The following CSTF3 variants were observed in gnomAD, a reference collection of about 807,000 sequenced individuals.
CSTF3 encodes cleavage stimulation factor subunit 3, also known as CF-1 77 kDa subunit.
Under a neutral mutation model 105.8 loss-of-function variants are expected in CSTF3, and 29 were observed. The observed-to-expected ratio is 0.27, with a 90% CI of 0.20 to 0.37. The LOEUF (loss-of-function observed/expected upper bound fraction) is 0.37, where lower values mean the gene tolerates loss of function less well. CSTF3 is among the 10% of genes least tolerant of loss of function. The pLI is 1.00. For missense variants in CSTF3, 357 were observed against 879.3 expected (o/e 0.41, Z 7.51); for synonymous variants, 252 against 281.9 (o/e 0.89, Z 1.06).
In CSTF3 at chr11:33,139,442, C is replaced by T. The variant is rs188726151; in HGVS notation, c.225+2225G>A. Among the ~76,000 whole-genome samples the T allele has an allele frequency of 4.4e-3, 662 of 151,876 alleles. 1 individual carries two copies. Among genetic ancestry groups the T allele is most frequent in the Non-Finnish European group, 6.4e-3 (431 of 67,814 alleles). On this transcript the variant is annotated intron_variant, in intron 3 of 20. Transcript: ENST00000323959. Reference sequence around the variant, plus strand: ...TGTAAAAACATTCTTATTATCACTTCGGATTTTTAAAAAGTATTATAAATA... The same window carrying T: ...TGTAAAAACATTCTTATTATCACTTTGGATTTTTAAAAAGTATTATAAATA...
intron 3 of CSTF3, among the ~76,000 whole-genome samples, chr11:33,122,289 G>A (rs1565010926): frequency 6.6e-6 from 1 of 152,132 alleles, no homozygotes; most frequent in African/African-American, 2.4e-5. Context: ...GGATCTGATT[G>A]TTGAAAGATG....
In CSTF3 at chr11:33,098,762, A is replaced by T. The variant is rs761937370; in HGVS notation, c.1056T>A (p.Ser352Arg). 2.0e-6 allele frequency: 3 copies of T among 1,526,234 alleles called. No individual in the cohort carries two copies. 94.5% of individuals were successfully genotyped at this position (1,526,234 alleles called of 1,614,324 possible). The change falls in exon 13 of 21, where the codon AGT (serine) becomes AGA (arginine). Residue 352 changes from serine to arginine, a missense_variant and splice_region_variant. By Grantham distance (110) the Ser-to-Arg change is moderately radical. Coordinates refer to ENST00000323959, the MANE Select transcript of CSTF3 (RefSeq NM_001326.3). ...LYFAYADYEE[S>R]RMKYEKVHSI... ...TGTGAACCTTTTCATACTTCATGCG[A>T]CTCTAAGGTGGTACAGAAGAAGTGA... is the stretch of plus-strand genomic sequence containing the variant.
rs1056947859 is a variant in CSTF3 at position 33,115,426 on chromosome 11, T to G, written c.226-7008A>C. On this transcript the variant is annotated intron_variant, in intron 3 of 20. Transcript: ENST00000323959. ...AATTTGGAAATATTGAAGAATGACA[T>G]TTTAAGATCTACAAACAGGCTTTTA... 1.3e-4 allele frequency among the ~76,000 whole-genome samples: 20 copies of G among 152,298 alleles called. No individual in the cohort carries two copies. The South Asian group carries it at 1.4e-3, about 11-fold the overall frequency.
chr11:33,105,448 A>T (rs1326931278), intron 8 of CSTF3, 119 bp downstream of exon 8: 3 of 987,834 alleles, frequency 3.0e-6, no homozygotes, highest in Non-Finnish European at 2.9e-6. Context: ...TAGTGCTTTC[A>T]TTACAATCAA....
chr11:33,119,163 A>T (rs965341431), intron 3 of CSTF3, among the ~76,000 whole-genome samples: 1 of 151,788 alleles, frequency 6.6e-6, no homozygotes, highest in Non-Finnish European at 1.5e-5. Flanking sequence ...ACAAATTGAA[A>T]ACTGCTGTTT....
chr11:33,114,473 T>C (rs1855411029), intron 3 of CSTF3, among the ~76,000 whole-genome samples: 1 of 152,004 alleles, frequency 6.6e-6, no homozygotes, highest in Non-Finnish European at 1.5e-5. Flanking sequence ...AAAAATCCCA[T>C]AAAGTCAAAA....
chr11:33,121,945 T>C (rs1855494043), intron 3 of CSTF3, among the ~76,000 whole-genome samples: 1 of 152,204 alleles, frequency 6.6e-6, no homozygotes, highest in African/African-American at 2.4e-5. Flanking sequence ...ACAAGTTTCC[T>C]AATGCTGTTT....
intron 3 of CSTF3, among the ~76,000 whole-genome samples, chr11:33,121,850 T>C (rs1419745134): frequency 6.6e-6 from 1 of 152,204 alleles, no homozygotes; most frequent in Non-Finnish European, 1.5e-5. Flanking sequence ...ATTTTGTCCA[T>C]GACTACTATA....
intron 1 of CSTF3, among the ~76,000 whole-genome samples, chr11:33,159,054 T>G (rs751857278): frequency 6.6e-6 from 1 of 152,170 alleles, no homozygotes; most frequent in Non-Finnish European, 1.5e-5. Flanking sequence ...AAATACTATT[T>G]TCTTGGGTGG....
chr11:33,154,390 G>C (rs1284710417), intron 1 of CSTF3, among the ~76,000 whole-genome samples: 1 of 150,124 alleles, frequency 6.7e-6, no homozygotes, highest in Non-Finnish European at 1.5e-5. Flanking sequence ...AAAATATTAA[G>C]AAAACTGAAT....
chr11:33,104,266 T>C (rs1039866829), intron 8 of CSTF3, among the ~76,000 whole-genome samples: 2 of 152,214 alleles, frequency 1.3e-5, no homozygotes, highest in African/African-American at 2.4e-5. Flanking sequence ...GAGATCAAAA[T>C]AGTTGTCATT....
intron 1 of CSTF3, among the ~76,000 whole-genome samples, chr11:33,151,386 A>G (rs750198813): frequency 2.6e-5 from 4 of 151,854 alleles, no homozygotes; most frequent in Non-Finnish European, 5.9e-5. Flanking sequence ...GGGTTTTGCC[A>G]TATTGTCCAG....
intron 14 of CSTF3, 137 bp downstream of exon 14, chr11:33,096,698 T>C: frequency 1.3e-6 from 1 of 797,092 alleles, no homozygotes; most frequent in Non-Finnish European, 1.9e-6. Context: ...TCCATAAAAT[T>C]TTACACAGAT....
At chr11:33,143,610 C>T (rs1467636180) in intron 1 of CSTF3, among the ~76,000 whole-genome samples, 2 of 152,040 alleles carry the variant, frequency 1.3e-5, no homozygotes, top group East Asian at 1.9e-4. Context: ...ATTAGCTGGG[C>T]GTGGTGGTGT....
chr11:33,141,833 A>T, intron 2 of CSTF3, 52 bp downstream of exon 2: 1 of 1,572,570 alleles, frequency 6.4e-7, no homozygotes, highest in Non-Finnish European at 8.6e-7. Context: ...TGCAGAACCA[A>T]GTAGTGTGAT....
chr11:33,144,616 G>T (rs768770346), intron 1 of CSTF3, among the ~76,000 whole-genome samples: 3 of 152,118 alleles, frequency 2.0e-5, no homozygotes, highest in Non-Finnish European at 4.4e-5. Flanking sequence ...TACTCTTTCT[G>T]CCCAAATAAA....
At chr11:33,113,683 C>CT (rs371618772) in intron 3 of CSTF3, among the ~76,000 whole-genome samples, 39 of 151,698 alleles carry the variant, frequency 2.6e-4, no homozygotes, top group Admixed American at 7.2e-4. Context: ...CTTCAACTTC[C>CT]TTTTTTTTAA....
intron 1 of CSTF3, among the ~76,000 whole-genome samples, chr11:33,152,981 T>C (rs1039447570): frequency 6.6e-6 from 1 of 151,706 alleles, no homozygotes; most frequent in Non-Finnish European, 1.5e-5. Context: ...CAATAATAAT[T>C]GAGGAGCCCA....
chr11:33,156,821 A>C (rs1849872419), intron 1 of CSTF3: 1 of 374,200 alleles, frequency 2.7e-6, no homozygotes, highest in Non-Finnish European at 5.2e-6. Context: ...GTAAATAAAT[A>C]ATTTTTTTTA....
Sources: gnomAD v4.1 joint callset for allele counts (sites outside exome capture counted in the v4.1 genomes callset) on GRCh38, gnomAD v4.1.1 for gene constraint, MANE v1.5 for transcripts, NCBI Gene and HGNC (gene_info 2026-07-23, HGNC 2026-07-21) for gene names.